PHACTR1: variants seen among roughly 807,000 people sequenced by gnomAD.
PHACTR1 encodes the protein RPEL repeat containing 1.
PHACTR1 carries 16 observed loss-of-function variants against 69.2 expected under a neutral mutation model. That is an observed-to-expected ratio of 0.23 (90% CI 0.16 to 0.35). PHACTR1 has a LOEUF of 0.35. Among genes scored for constraint, PHACTR1 ranks in the 10% least tolerant of loss-of-function variants. The probability of loss-of-function intolerance (pLI) is 1.00; values close to 1 mark genes in which losing one functional copy is unlikely to be tolerated. For missense variants in PHACTR1, 510 were observed against 734.7 expected (o/e 0.69, Z 3.54); for synonymous variants, 312 against 284.5 (o/e 1.10, Z -0.97).
intron 6 of PHACTR1, among the ~76,000 whole-genome samples, chr6:13,175,019 C>T (rs1404753346): frequency 6.6e-6 from 1 of 152,206 alleles, no homozygotes; most frequent in Admixed American, 6.5e-5. Flanking sequence ...GTTTCTTTCT[C>T]CTTTCATTTC....
In PHACTR1 at chr6:13,053,393, G is replaced by A. The variant is rs1342823517; in HGVS notation, c.279G>A (p.Met93Ile). Reference sequence around the variant, plus strand: ...AGGAAGTGGAGAGGCTGGCGGCGATGCGTTCTGACTCCCTCGTCCCAGGCA... The same window carrying A: ...AGGAAGTGGAGAGGCTGGCGGCGATACGTTCTGACTCCCTCGTCCCAGGCA... ...AAEEVERLAAMRSDSLVPGTH... is the reference protein window; with the variant it reads ...AAEEVERLAAIRSDSLVPGTH... Residue 93 changes from methionine (M) to isoleucine (I), a missense_variant, in exon 5 of 15, where the codon ATG becomes ATA. Physicochemically the swap from Met to Ile is conservative, Grantham distance 10. Coordinates refer to ENST00000332995, the MANE Select transcript of PHACTR1 (RefSeq NM_030948.6). 6.2e-7 allele frequency: 1 copy of A among 1,611,538 alleles called. No individual in the cohort carries two copies. The highest frequency in any genetic ancestry group is 1.7e-5 in the Admixed American group (1 of 59,704).
At chr6:13,218,811 AAGG>A (rs913091913) in intron 8 of PHACTR1, among the ~76,000 whole-genome samples, 8 of 149,198 alleles carry the variant, frequency 5.4e-5, no homozygotes, top group African/African-American at 1.2e-4. Flanking sequence ...GAAGAAGAAG[AAGG>A]AGGAGGAGGA....
chr6:13,277,054 T>G (rs986477145), intron 11 of PHACTR1, among the ~76,000 whole-genome samples: 1 of 152,196 alleles, frequency 6.6e-6, no homozygotes, highest in African/African-American at 2.4e-5. Flanking sequence ...CTGACTTCCA[T>G]AGTTTTTCCA....
chr6:13,022,067 C>G (rs763465894), intron 4 of PHACTR1, among the ~76,000 whole-genome samples: 2 of 152,236 alleles, frequency 1.3e-5, no homozygotes, highest in Non-Finnish European at 2.9e-5. Flanking sequence ...CCTGGAGATT[C>G]ACACTTTACT....
intron 4 of PHACTR1, among the ~76,000 whole-genome samples, chr6:12,829,124 A>C (rs921226209): frequency 1.3e-5 from 2 of 152,206 alleles, no homozygotes; most frequent in Non-Finnish European, 2.9e-5. Context: ...TGAAACCAAA[A>C]CAAAACAACA....
chr6:13,287,312 C>T lies in PHACTR1; in HGVS notation c.*234C>T, dbSNP rs928479445. The T allele has an allele frequency of 1.5e-5, 8 of 520,106 alleles. No homozygotes were observed. In the African/African-American group the frequency reaches 2.9e-4, roughly 19 times the overall value. 32.2% of individuals were successfully genotyped at this position (520,106 alleles called of 1,614,324 possible). On this transcript the variant is annotated 3_prime_UTR_variant, in exon 15 of 15. Coordinates refer to ENST00000332995, the MANE Select transcript of PHACTR1 (RefSeq NM_030948.6). Reference sequence around the variant, plus strand: ...CTTCTGACACCAAAATGCATCCCAACCCCCGGCAGTGCCAAGGGCACCAGC... The same window carrying T: ...CTTCTGACACCAAAATGCATCCCAATCCCCGGCAGTGCCAAGGGCACCAGC...
chr6:13,093,684 A>G (rs1161890150), intron 5 of PHACTR1, among the ~76,000 whole-genome samples: 1 of 152,162 alleles, frequency 6.6e-6, no homozygotes, highest in Non-Finnish European at 1.5e-5. Flanking sequence ...CTTATCCTCT[A>G]TATTGGGTTC....
intron 4 of PHACTR1, among the ~76,000 whole-genome samples, chr6:12,754,600 C>T (rs1179764925): frequency 1.3e-5 from 2 of 152,122 alleles, no homozygotes; most frequent in Non-Finnish European, 2.9e-5. Flanking sequence ...CTCATTATGT[C>T]ATGCATTAAG....
chr6:13,046,052 A>T (rs573653788), intron 4 of PHACTR1, among the ~76,000 whole-genome samples: 3 of 152,188 alleles, frequency 2.0e-5, no homozygotes, highest in Non-Finnish European at 4.4e-5. Flanking sequence ...TGCAAGCAAT[A>T]AGATTGATAA....
intron 4 of PHACTR1, among the ~76,000 whole-genome samples, chr6:13,033,836 T>C (rs1269446250): frequency 6.6e-6 from 1 of 152,188 alleles, no homozygotes; most frequent in Non-Finnish European, 1.5e-5. Context: ...TTTATGACTT[T>C]TAATAAAATT....
chr6:12,877,751 C>T (rs559158352), intron 4 of PHACTR1, among the ~76,000 whole-genome samples: 12 of 152,342 alleles, frequency 7.9e-5, no homozygotes, highest in African/African-American at 2.9e-4. Flanking sequence ...CACGCTGTGA[C>T]ACTTTCTCTA....
chr6:12,800,796 G>A (rs1045835375), intron 4 of PHACTR1, among the ~76,000 whole-genome samples: 2 of 151,978 alleles, frequency 1.3e-5, no homozygotes, highest in Non-Finnish European at 2.9e-5. Flanking sequence ...GCTGAGGTCG[G>A]AGGATCACCT....
At chr6:12,838,473 T>C (rs1778381592) in intron 4 of PHACTR1, among the ~76,000 whole-genome samples, 1 of 152,230 alleles carries the variant, frequency 6.6e-6, no homozygotes, top group African/African-American at 2.4e-5. Flanking sequence ...TTAAAGGCAG[T>C]ACTTTAGAAT....
At chr6:12,817,621 G>T (rs1005967406) in intron 4 of PHACTR1, among the ~76,000 whole-genome samples, 8 of 152,170 alleles carry the variant, frequency 5.3e-5, no homozygotes, top group Non-Finnish European at 8.8e-5. Context: ...TTATATAAAT[G>T]ATAGTGTTTA....
At chr6:13,232,740 T>A (rs1267956470) in intron 10 of PHACTR1, among the ~76,000 whole-genome samples, 1 of 152,006 alleles carries the variant, frequency 6.6e-6, no homozygotes, top group Non-Finnish European at 1.5e-5. Context: ...TAGAACGAGA[T>A]CTCGGTTCTG....
chr6:13,183,369 A>G (rs796093693), intron 7 of PHACTR1, among the ~76,000 whole-genome samples: 2 of 152,024 alleles, frequency 1.3e-5, no homozygotes, highest in African/African-American at 4.8e-5. Context: ...AACCTCTTGC[A>G]ATATCCAGAG....
chr6:12,884,168 A>T (rs1404637615), intron 4 of PHACTR1, among the ~76,000 whole-genome samples: 2 of 152,182 alleles, frequency 1.3e-5, no homozygotes, highest in Non-Finnish European at 2.9e-5. Flanking sequence ...ACATACATAC[A>T]AACATGTTCT....
chr6:13,176,482 C>T (rs1421651414), intron 6 of PHACTR1, among the ~76,000 whole-genome samples: 1 of 152,158 alleles, frequency 6.6e-6, no homozygotes, highest in Non-Finnish European at 1.5e-5. Context: ...CCAGAACAAA[C>T]ACTCTTCCTA....
intron 4 of PHACTR1, among the ~76,000 whole-genome samples, chr6:12,762,473 T>C (rs947310983): frequency 2.6e-5 from 4 of 152,246 alleles, no homozygotes; most frequent in Non-Finnish European, 5.9e-5. Context: ...AGTTAGATGC[T>C]TGATACATTA....
Sources: allele counts gnomAD v4.1 joint callset (sites outside exome capture counted in the v4.1 genomes callset), GRCh38; gene constraint gnomAD v4.1.1; transcripts MANE v1.5; gene names NCBI Gene and HGNC (gene_info 2026-07-23, HGNC 2026-07-21).